The following ZMYND8 variants were observed in gnomAD, a reference collection of about 807,000 sequenced individuals.
ZMYND8 encodes the protein zinc finger MYND-type containing 8, also known as MYND-type zinc finger-containing chromatin reader ZMYND8.
A neutral mutation model predicts 140.8 loss-of-function variants in ZMYND8; 37 were observed. The ratio of observed to expected loss-of-function variants is 0.26; its 90% CI spans 0.20 to 0.35. ZMYND8 has a LOEUF of 0.35. Ranked by LOEUF, ZMYND8 falls within the 10% of genes least tolerant of loss-of-function variation. The pLI, the probability that ZMYND8 is intolerant of heterozygous loss-of-function variation, is 1.00. For synonymous variants in ZMYND8, 592 were observed against 597.1 expected (o/e 0.99, Z 0.12); for missense variants, 1,068 against 1,570.0 (o/e 0.68, Z 5.40).
intron 1 of ZMYND8, chr20:47,348,371 C>G (rs371852335): frequency 5.6e-6 from 1 of 179,640 alleles, no homozygotes; most frequent in African/African-American, 2.4e-5. Context: ...CACACCTCCC[C>G]CTAAATCTTA....
At chr20:47,214,598 A>G (rs913213641) in intron 21 of ZMYND8, among the ~76,000 whole-genome samples, 1 of 152,170 alleles carries the variant, frequency 6.6e-6, no homozygotes, top group Non-Finnish European at 1.5e-5. Context: ...GGTTCAAGTA[A>G]TTCTCATGCC....
chr20:47,285,906 A>G, intron 8 of ZMYND8: 8 of 919,986 alleles, frequency 8.7e-6, no homozygotes, highest in Non-Finnish European at 1.0e-5. Context: ...ATATACAGAC[A>G]TAAGCCGGGC....
intron 10 of ZMYND8, among the ~76,000 whole-genome samples, chr20:47,277,869 CTA>C (rs1486148668): frequency 6.6e-6 from 1 of 152,052 alleles, no homozygotes; most frequent in Non-Finnish European, 1.5e-5. Flanking sequence ...CGGTGTTTCA[CTA>C]TATGTTAGCC....
chr20:47,329,085 T>C (rs982408580), intron 2 of ZMYND8, among the ~76,000 whole-genome samples: 1 of 152,174 alleles, frequency 6.6e-6, no homozygotes, highest in Non-Finnish European at 1.5e-5. Flanking sequence ...TCTGCACAAC[T>C]TTTCAAAGAA....
chr20:47,248,157 G>C (rs2073883315), intron 13 of ZMYND8, among the ~76,000 whole-genome samples: 1 of 152,134 alleles, frequency 6.6e-6, no homozygotes. Flanking sequence ...CTGAGCCTCA[G>C]TTTCTCTATC....
At chr20:47,317,908 C>T (rs1376082983) in intron 2 of ZMYND8, among the ~76,000 whole-genome samples, 1 of 152,084 alleles carries the variant, frequency 6.6e-6, no homozygotes, top group Admixed American at 6.6e-5. Flanking sequence ...GTAAAGTTAT[C>T]GAAGAAGTCA....
intron 1 of ZMYND8, chr20:47,353,138 A>C (rs2082934235): frequency 6.6e-6 from 1 of 152,178 alleles, no homozygotes; most frequent in Non-Finnish European, 1.5e-5. Flanking sequence ...TGGACTTTTA[A>C]AAACCTACCT....
At chr20:47,241,605 C>G (rs530479567) in intron 14 of ZMYND8, among the ~76,000 whole-genome samples, 31 of 152,026 alleles carry the variant, frequency 2.0e-4, no homozygotes, top group African/African-American at 7.2e-4. Flanking sequence ...CTGAGCAGCA[C>G]GTAGAGGCGA....
At chr20:47,218,942 G>A (rs1181527438) in intron 21 of ZMYND8, among the ~76,000 whole-genome samples, 2 of 151,952 alleles carry the variant, frequency 1.3e-5, no homozygotes, top group Non-Finnish European at 2.9e-5. Context: ...CAAGAGAATC[G>A]TCAGTGGCTC....
chr20:47,258,179 C>CGTA (rs1266573121), intron 12 of ZMYND8, among the ~76,000 whole-genome samples: 1 of 152,108 alleles, frequency 6.6e-6, no homozygotes, highest in Non-Finnish European at 1.5e-5. Flanking sequence ...TTCACCTTAC[C>CGTA]CCCTGACCCC....
At chr20:47,227,366 G>C in intron 17 of ZMYND8, 85 bp from the exon 18 acceptor site, 1 of 1,303,818 alleles carries the variant, frequency 7.7e-7, no homozygotes, top group African/African-American at 1.5e-5. Flanking sequence ...GGCTGGCTGT[G>C]AGGGGTATGG....
At chr20:47,245,254 CT>C (rs113310230) in intron 14 of ZMYND8, among the ~76,000 whole-genome samples, 2 of 150,868 alleles carry the variant, frequency 1.3e-5, no homozygotes, top group Admixed American at 6.6e-5. Flanking sequence ...ATGAACACTG[CT>C]TTTTTTTTAG....
chr20:47,213,080 G>T (rs893202288), intron 21 of ZMYND8, among the ~76,000 whole-genome samples: 1 of 152,184 alleles, frequency 6.6e-6, no homozygotes, highest in Admixed American at 6.5e-5. Context: ...CTAGAAACGT[G>T]CTAAGGTTGA....
At chr20:47,254,929 C>T (rs1207023925) in intron 12 of ZMYND8, among the ~76,000 whole-genome samples, 1 of 151,628 alleles carries the variant, frequency 6.6e-6, no homozygotes, top group Admixed American at 6.6e-5. Flanking sequence ...GAGTTTGAGA[C>T]AAGCCTGGCC....
Position 47,298,606 on chromosome 20 carries a change from G to C in ZMYND8, c.453+123C>G. The C allele has an allele frequency of 6.7e-7, 1 of 1,502,650 alleles. No individual in the cohort carries two copies. 93.1% of individuals were successfully genotyped at this position (1,502,650 alleles called of 1,614,324 possible). ...AGAAGGGGGTGACCAGGATAGAACA[G>C]GTGGAAAGCAAGAAATTTCTCTTTT... On this transcript the variant is annotated intron_variant, in intron 4 of 22. Coordinates refer to ENST00000471951, the MANE Select transcript of ZMYND8 (RefSeq NM_001281775.3). The surrounding 1 kb of genome is among the most constrained non-coding windows in gnomAD (Gnocchi z 5.0).
At chr20:47,288,001 G>T (rs1040109999) in intron 7 of ZMYND8, among the ~76,000 whole-genome samples, 1 of 152,138 alleles carries the variant, frequency 6.6e-6, no homozygotes, top group African/African-American at 2.4e-5. Context: ...TAACCATCTA[G>T]CCCCAGGTCT....
chr20:47,273,232 G>C (rs567260564), intron 11 of ZMYND8, among the ~76,000 whole-genome samples: 1 of 152,234 alleles, frequency 6.6e-6, no homozygotes, highest in Admixed American at 6.5e-5. Flanking sequence ...TTAATGGTTG[G>C]GGGGAAAAGA....
chr20:47,268,346 T>C (rs1012364094), intron 11 of ZMYND8, among the ~76,000 whole-genome samples: 1 of 139,690 alleles, frequency 7.2e-6, no homozygotes, highest in Non-Finnish European at 1.5e-5. Flanking sequence ...CAGGCTGGAG[T>C]GCAGTGGCAC....
At chr20:47,264,817 T>G (rs1251651385) in intron 11 of ZMYND8, among the ~76,000 whole-genome samples, 2 of 152,202 alleles carry the variant, frequency 1.3e-5, no homozygotes, top group East Asian at 3.9e-4. Flanking sequence ...GGAGGATCAC[T>G]TGAGCTCGGA....
Sources: allele counts gnomAD v4.1 joint callset (sites outside exome capture counted in the v4.1 genomes callset), GRCh38; gene constraint gnomAD v4.1.1; non-coding constraint Gnocchi (gnomAD v3.1); transcripts MANE v1.5; gene names NCBI Gene and HGNC (gene_info 2026-07-23, HGNC 2026-07-21).